Variants in C8orf89 observed in about 807,000 individuals in gnomAD.
The protein encoded by C8orf89 is putative uncharacterized protein C8orf89.
In C8orf89, 14 loss-of-function variants were observed where a neutral mutation model predicts 15.8. The ratio of observed to expected loss-of-function variants is 0.89; its 90% CI spans 0.59 to 1.39. C8orf89 has a LOEUF of 1.39. C8orf89 is among the 40% of genes most tolerant of loss of function. The pLI is 0.00. For synonymous variants in C8orf89, 55 were observed against 62.2 expected, an observed-to-expected ratio of 0.88 and a Z score of 0.54; for missense variants, 181 against 184.5, an observed-to-expected ratio of 0.98 and a Z score of 0.11.
At chr8:73,249,389 G>A (rs980814565) in intron 3 of C8orf89, among the ~76,000 whole-genome samples, 4 of 151,772 alleles carry the variant, frequency 2.6e-5, no homozygotes, top group Non-Finnish European at 5.9e-5. Context: ...TTCTTTTTTT[G>A]TTGTATCTCT....
At chr8:73,281,112 A>G in the C8orf89 span, among the ~76,000 whole-genome samples, 3 of 152,282 alleles carry the variant, frequency 2.0e-5, no homozygotes, top group East Asian at 3.9e-4. Context: ...TACTTCTGGG[A>G]ATTTATCCTA....
At chr8:73,277,571 A>G in the C8orf89 span, 1 of 760,104 alleles carries the variant, frequency 1.3e-6, no homozygotes, top group Non-Finnish European at 2.4e-6. Context: ...CAGAAGTACC[A>G]CACTCCCAGA....
chr8:73,253,082 C>G (rs929057641), intron 2 of C8orf89, among the ~76,000 whole-genome samples: 2 of 152,250 alleles, frequency 1.3e-5, no homozygotes, highest in African/African-American at 4.8e-5. Context: ...GGCGGAGCTC[C>G]CAGCGAGCCA....
chr8:73,263,422 G>A (rs1217369831), upstream of C8orf89, among the ~76,000 whole-genome samples: 2 of 152,136 alleles, frequency 1.3e-5, no homozygotes, highest in African/African-American at 2.4e-5. Context: ...GCTGAGGCAT[G>A]AGAACTGCTT....
intron 1 of C8orf89, among the ~76,000 whole-genome samples, chr8:73,257,717 T>A (rs1813429774): frequency 6.6e-6 from 1 of 152,154 alleles, no homozygotes; most frequent in Non-Finnish European, 1.5e-5. Flanking sequence ...TTTTTAAAAA[T>A]TTTCAAGGCA....
At chr8:73,282,009 C>A in the C8orf89 span, among the ~76,000 whole-genome samples, 2,639 of 152,308 alleles carry the variant, frequency 0.017, 81 homozygotes, top group African/African-American at 0.06. Flanking sequence ...GGGACGCCTA[C>A]CTTGAAATTG....
chr8:73,265,291 G>A, the C8orf89 span, among the ~76,000 whole-genome samples: 1 of 152,190 alleles, frequency 6.6e-6, no homozygotes, highest in South Asian at 2.1e-4. Flanking sequence ...GACAAGGTTT[G>A]AAAGATAGCA....
At chr8:73,260,319 T>C (rs995040082), upstream of C8orf89, among the ~76,000 whole-genome samples, 3 of 150,358 alleles carry the variant, frequency 2.0e-5, no homozygotes, top group Non-Finnish European at 4.4e-5. Context: ...TTCTCACTCA[T>C]AGGTGGGAAT....
At chr8:73,258,505 G>A (rs1813455408) in intron 1 of C8orf89, among the ~76,000 whole-genome samples, 1 of 151,874 alleles carries the variant, frequency 6.6e-6, no homozygotes, top group Non-Finnish European at 1.5e-5. Flanking sequence ...TTGAAAGTAA[G>A]GGGGAATAAC....
At chr8:73,248,220 T>C (rs1009641937) in intron 3 of C8orf89, among the ~76,000 whole-genome samples, 1 of 152,150 alleles carries the variant, frequency 6.6e-6, no homozygotes, top group Non-Finnish European at 1.5e-5. Flanking sequence ...TGCTTGTTTT[T>C]GTCAGCTTTG....
the C8orf89 span, among the ~76,000 whole-genome samples, chr8:73,268,702 G>T: frequency 2.0e-5 from 3 of 152,176 alleles, no homozygotes; most frequent in Admixed American, 2.0e-4. Flanking sequence ...AAATATTTAT[G>T]GATAAAATGA....
the C8orf89 span, among the ~76,000 whole-genome samples, chr8:73,282,346 A>G: frequency 6.6e-6 from 1 of 152,242 alleles, no homozygotes; most frequent in Non-Finnish European, 1.5e-5. Context: ...AGAAGAGTTA[A>G]AAGGAGGGAG....
the C8orf89 span, among the ~76,000 whole-genome samples, chr8:73,283,224 C>T: frequency 6.6e-6 from 1 of 152,178 alleles, no homozygotes; most frequent in Non-Finnish European, 1.5e-5. Flanking sequence ...TCATAGGAAG[C>T]ATTGGACCAT....
the C8orf89 span, among the ~76,000 whole-genome samples, chr8:73,271,828 A>G: frequency 6.6e-6 from 1 of 152,122 alleles, no homozygotes; most frequent in South Asian, 2.1e-4. Flanking sequence ...CACTCCCATG[A>G]TTCAATTATC....
At chr8:73,274,308 C>T in the C8orf89 span, among the ~76,000 whole-genome samples, 19 of 152,238 alleles carry the variant, frequency 1.2e-4, no homozygotes, top group Middle Eastern at 6.8e-3. Context: ...CCCGCCACCA[C>T]GCCTGGCTAA....
intron 2 of C8orf89, among the ~76,000 whole-genome samples, chr8:73,256,726 C>CAAAAA (rs11288188): frequency 0.056 from 2,455 of 43,668 alleles, 220 homozygotes; most frequent in East Asian, 0.095. Context: ...GACTCTGTCT[C>CAAAAA]AAAAAAAAAA....
At chr8:73,265,680 A>G in the C8orf89 span, among the ~76,000 whole-genome samples, 1 of 152,210 alleles carries the variant, frequency 6.6e-6, no homozygotes, top group Non-Finnish European at 1.5e-5. Context: ...TCCTAAATCT[A>G]TATCTTCAGG....
rs529104795 is a variant in C8orf89 at position 73,257,028 on chromosome 8, G to A, written c.226C>T (p.Pro76Ser). 1.2e-4 allele frequency: 191 copies of A among 1,535,104 alleles called. No individual in the cohort carries two copies. The highest frequency in any genetic ancestry group is 3.5e-4 in the Admixed American group (18 of 50,836). ...QSCQKSVSST[P>S]LEVPKRLPRA... The stretch of plus-strand genomic sequence containing the variant: ...GGCAGTCTTTTAGGAACCTCTAGTG[G>A]AGTTGAACTTACACTTTTTTGGCAA... The change falls in exon 2 of 4, where the codon CCA becomes TCA. Residue 76 changes from proline (P) to serine (S), a missense_variant. Pro to Ser is a moderately conservative substitution (Grantham distance 74). Transcript: ENST00000624510.
At chr8:73,256,421 G>T (rs1001053530) in intron 2 of C8orf89, among the ~76,000 whole-genome samples, 1 of 151,588 alleles carries the variant, frequency 6.6e-6, no homozygotes, top group African/African-American at 2.4e-5. Context: ...GACAATCAAG[G>T]TTTTTTTTAA....
Sources: gnomAD v4.1 joint callset for allele counts (sites outside exome capture counted in the v4.1 genomes callset) on GRCh38, gnomAD v4.1.1 for gene constraint, MANE v1.5 for transcripts, NCBI Gene and HGNC (gene_info 2026-07-23, HGNC 2026-07-21) for gene names.